The following NFIB variants were observed in gnomAD, a reference collection of about 807,000 sequenced individuals.
NFIB encodes the protein nuclear factor I B.
In NFIB, 11 loss-of-function variants were observed where a neutral mutation model predicts 61.5. That is an observed-to-expected ratio of 0.18 (90% CI 0.11 to 0.30). NFIB has a LOEUF of 0.30. Ranked by LOEUF, NFIB falls within the 10% of genes least tolerant of loss-of-function variation. The pLI is 1.00. For missense variants in NFIB, 471 were observed against 608.9 expected (o/e 0.77, Z 2.38); for synonymous variants, 260 against 216.5 (o/e 1.20, Z -1.76).
In NFIB at chr9:14,204,692, A is replaced by C. The variant is rs1430747110; in HGVS notation, c.563-24912T>G. Reference sequence around the variant, plus strand: ...CACCATCACCACCTTGGTGTAGAATAAGAAAGCTCAGTTGGTGGTGATTGC... The same window carrying C: ...CACCATCACCACCTTGGTGTAGAATCAGAAAGCTCAGTTGGTGGTGATTGC... On this transcript the variant is annotated intron_variant, in intron 2 of 10. Transcript: ENST00000380953. 5 of 620,262 alleles carry C rather than the reference A, an allele frequency of 8.1e-6. No individual in the cohort carries two copies. The East Asian group carries it at 1.4e-4, about 18-fold the overall frequency. 38.4% of individuals were successfully genotyped at this position (620,262 alleles called of 1,614,324 possible).
chr9:14,467,555 T>C, the NFIB span, among the ~76,000 whole-genome samples: 1 of 152,192 alleles, frequency 6.6e-6, no homozygotes, highest in Non-Finnish European at 1.5e-5. Flanking sequence ...TGCTATAGGG[T>C]TTTATAAACT....
rs1239263718 is a variant in NFIB, at chr9:14,120,162, C to A, written c.1245+278G>T. Among the ~76,000 whole-genome samples, 1 of 152,186 alleles carries A rather than the reference C, an allele frequency of 6.6e-6. No homozygotes were observed. The highest frequency in any genetic ancestry group is 3.2e-3 in the Middle Eastern group (1 of 316). The stretch of plus-strand genomic sequence containing the variant: ...GTGTGAACTCCAGCCCAGAGCTTTC[C>A]TGTCAATGTACTTTCTGCATAAACT... On this transcript the variant is annotated intron_variant, in intron 8 of 10. Transcript: ENST00000380953. This position sits in a 1 kb window ranked among gnomAD's most constrained non-coding sequence, Gnocchi z 4.4.
At chr9:14,172,129 G>A (rs749993218) in intron 3 of NFIB, among the ~76,000 whole-genome samples, 1 of 152,144 alleles carries the variant, frequency 6.6e-6, no homozygotes, top group Non-Finnish European at 1.5e-5. Context: ...GATTTAATGA[G>A]AATCATTTCA....
intron 6 of NFIB, among the ~76,000 whole-genome samples, chr9:14,126,246 C>G (rs573481518): frequency 1.3e-5 from 2 of 152,312 alleles, no homozygotes; most frequent in East Asian, 3.9e-4. Context: ...AAGTACATTC[C>G]TTAATTTACT....
intron 2 of NFIB, among the ~76,000 whole-genome samples, chr9:14,237,863 G>A (rs985538710): frequency 1.3e-5 from 2 of 149,080 alleles, no homozygotes; most frequent in Non-Finnish European, 3.0e-5. Context: ...GTGTGTGTGT[G>A]TGTGTGTGTG....
intron 6 of NFIB, among the ~76,000 whole-genome samples, chr9:14,143,991 A>AGTGTGTGTGTGTGTGT (rs141101627): frequency 0.047 from 6,286 of 134,138 alleles, 199 homozygotes; most frequent in South Asian, 0.067. Context: ...AAAGTGACAG[A>AGTGTGTGTGTGTGTGT]GTGTGTGTGT....
intron 1 of NFIB, among the ~76,000 whole-genome samples, chr9:14,375,936 T>G (rs900842180): frequency 1.3e-5 from 2 of 152,214 alleles, no homozygotes; most frequent in African/African-American, 4.8e-5. Context: ...AATTATGTGG[T>G]GTTTAAGGCA....
At chr9:14,367,317 G>C (rs2061312080) in intron 1 of NFIB, among the ~76,000 whole-genome samples, 1 of 152,032 alleles carries the variant, frequency 6.6e-6, no homozygotes, top group South Asian at 2.1e-4. Flanking sequence ...AATATGGAAA[G>C]GCTAGGAAAG....
the NFIB span, among the ~76,000 whole-genome samples, chr9:14,471,096 T>G: frequency 7.9e-5 from 12 of 152,242 alleles, no homozygotes; most frequent in African/African-American, 2.9e-4. Context: ...AAGCATATGT[T>G]GAATTAGCAT....
At chr9:14,163,480 C>T (rs889257631) in intron 3 of NFIB, among the ~76,000 whole-genome samples, 2 of 151,504 alleles carry the variant, frequency 1.3e-5, no homozygotes, top group African/African-American at 2.4e-5. Flanking sequence ...CAAATTCAAA[C>T]AAAAAGGAAG....
chr9:14,523,137 A>G, the NFIB span, among the ~76,000 whole-genome samples: 3 of 151,994 alleles, frequency 2.0e-5, no homozygotes, highest in Non-Finnish European at 4.4e-5. Flanking sequence ...AATTTACTTC[A>G]TGAGAGCCCT....
At chr9:14,352,191 A>G (rs2061120793) in intron 1 of NFIB, among the ~76,000 whole-genome samples, 1 of 152,224 alleles carries the variant, frequency 6.6e-6, no homozygotes, top group African/African-American at 2.4e-5. Flanking sequence ...TTCAAATAAT[A>G]GAAAACAGCA....
intron 1 of NFIB, among the ~76,000 whole-genome samples, chr9:14,395,310 A>G (rs997712431): frequency 4.0e-5 from 6 of 151,056 alleles, no homozygotes; most frequent in Non-Finnish European, 8.9e-5. Context: ...GGACAGCCAA[A>G]AAAAAAAAAA....
At chr9:14,442,430 G>C in the NFIB span, among the ~76,000 whole-genome samples, 4 of 152,078 alleles carry the variant, frequency 2.6e-5, no homozygotes, top group Admixed American at 2.6e-4. Flanking sequence ...AGTAAAACAC[G>C]GCCATGTATT....
chr9:14,479,022 T>C, the NFIB span, among the ~76,000 whole-genome samples: 1 of 152,186 alleles, frequency 6.6e-6, no homozygotes, highest in Non-Finnish European at 1.5e-5. Flanking sequence ...AGATGTTAAA[T>C]AGTTGGGATT....
chr9:14,392,446 G>C (rs1393990225), intron 1 of NFIB, among the ~76,000 whole-genome samples: 1 of 152,182 alleles, frequency 6.6e-6, no homozygotes, highest in Non-Finnish European at 1.5e-5. Flanking sequence ...AAAGATTATA[G>C]ACTGGGCACA....
chr9:14,378,061 C>T (rs189048196), intron 1 of NFIB, among the ~76,000 whole-genome samples: 1 of 152,244 alleles, frequency 6.6e-6, no homozygotes, highest in East Asian at 1.9e-4. Flanking sequence ...TGCTCCACAC[C>T]AGCTGAGGGT....
the NFIB span, among the ~76,000 whole-genome samples, chr9:14,423,375 C>A: frequency 1.3e-5 from 2 of 152,156 alleles, no homozygotes; most frequent in African/African-American, 4.8e-5. Flanking sequence ...GTAAATCAAG[C>A]CCTCTTACAC....
chr9:14,231,119 G>GAA (rs1563926086), intron 2 of NFIB, among the ~76,000 whole-genome samples: 2 of 35,418 alleles, frequency 5.6e-5, no homozygotes, highest in Non-Finnish European at 1.3e-4. Flanking sequence ...TTTTCCATGG[G>GAA]GAAAAAAAAA....
Sources: allele counts gnomAD v4.1 joint callset (sites outside exome capture counted in the v4.1 genomes callset), GRCh38; gene constraint gnomAD v4.1.1; non-coding constraint Gnocchi (gnomAD v3.1); transcripts MANE v1.5; gene names NCBI Gene and HGNC (gene_info 2026-07-23, HGNC 2026-07-21).